EIF3J: variants seen among roughly 807,000 people sequenced by gnomAD.
EIF3J encodes the protein eukaryotic translation initiation factor 3, subunit 1 (alpha, 35kD).
A neutral mutation model predicts 39.0 loss-of-function variants in EIF3J; 15 were observed. The observed-to-expected ratio is 0.38, with a 90% CI of 0.26 to 0.59. EIF3J has a LOEUF of 0.59. EIF3J is among the 20% of genes least tolerant of loss of function. EIF3J has a pLI of 0.60. For missense variants in EIF3J, 226 were observed against 308.6 expected, an observed-to-expected ratio of 0.73 and a Z score of 2.00; for synonymous variants, 98 against 112.9, an observed-to-expected ratio of 0.87 and a Z score of 0.84.
intron 2 of EIF3J, among the ~76,000 whole-genome samples, chr15:44,542,787 T>C (rs2082023661): frequency 1.3e-5 from 2 of 152,212 alleles, no homozygotes; most frequent in Non-Finnish European, 2.9e-5. Context: ...AAACAGGCCC[T>C]ATTCTAAGAA....
rs75155703 is a variant in EIF3J, at chr15:44,542,019, A to G, written c.147+4592A>G. On this transcript the variant is annotated intron_variant, in intron 2 of 7. Coordinates refer to ENST00000261868, the MANE Select transcript of EIF3J (RefSeq NM_003758.4). ...CTTGTTTAGTGTTCAGTGTCTTGAT[A>G]TCGCTGAGCCAGAAATTTAAAGTAG... Among the ~76,000 whole-genome samples, 1,100 of 152,368 alleles carry G rather than the reference A, an allele frequency of 7.2e-3. 16 individuals are homozygous for G. The highest frequency in any genetic ancestry group is 0.023 in the African/African-American group (962 of 41,580).
At position 44,557,987 on chromosome 15, in the gene EIF3J, G is replaced by A. The variant is rs536061290; in HGVS notation, c.571+337G>A. 8.3e-5 allele frequency: 13 copies of A among 157,030 alleles called. No homozygotes were observed. In the East Asian group the frequency reaches 2.0e-3, roughly 24 times the overall value. 9.7% of individuals were successfully genotyped at this position (157,030 alleles called of 1,614,324 possible). On this transcript the variant is annotated intron_variant, in intron 6 of 7. Coordinates refer to ENST00000261868, the MANE Select transcript of EIF3J (RefSeq NM_003758.4). ...CTGGGAAGTATCTTTTGAGGGAAAA[G>A]GTCTCTGGCACTGTAGGATTTGGGT... is the stretch of plus-strand genomic sequence containing the variant.
chr15:44,537,518 G>T, intron 2 of EIF3J, 91 bp downstream of exon 2: 1 of 1,326,468 alleles, frequency 7.5e-7, no homozygotes, highest in Non-Finnish European at 9.9e-7. Flanking sequence ...CGGGGCCTGC[G>T]GGCCGTGGGT....
chr15:44,541,462 G>A (rs1361434831), intron 2 of EIF3J, among the ~76,000 whole-genome samples: 1 of 152,180 alleles, frequency 6.6e-6, no homozygotes. Flanking sequence ...AGGATTGCGT[G>A]AGCCTAGGAG....
At chr15:44,555,545 T>C (rs914364266) in intron 5 of EIF3J, among the ~76,000 whole-genome samples, 9 of 152,172 alleles carry the variant, frequency 5.9e-5, no homozygotes, top group African/African-American at 1.2e-4. Flanking sequence ...CTGTGCACCA[T>C]TGTATGCTTG....
rs139053742 is a variant in EIF3J, at chr15:44,559,433, G to A, written c.572-816G>A. ...CTCAAAAAAAAAAATAAAATAGGCC[G>A]GGTGCGGTGGCTCACACCTGTAACC... On this transcript the variant is annotated intron_variant, in intron 6 of 7. Coordinates refer to ENST00000261868, the MANE Select transcript of EIF3J (RefSeq NM_003758.4). 7.2e-3 allele frequency among the ~76,000 whole-genome samples: 1,083 copies of A among 151,174 alleles called. 8 individuals carry two copies. Among genetic ancestry groups the A allele is most frequent in the Non-Finnish European group, 0.011 (751 of 67,758 alleles).
intron 2 of EIF3J, among the ~76,000 whole-genome samples, chr15:44,549,984 T>C (rs2082086060): frequency 6.6e-6 from 1 of 151,638 alleles, no homozygotes; most frequent in South Asian, 2.1e-4. Flanking sequence ...GTAAATTTTA[T>C]TGCATAAATT....
chr15:44,547,656 G>A lies in EIF3J; in HGVS notation c.148-3220G>A, dbSNP rs188223968. ...GTAGAGACAGGGTTTCACTATGTTG[G>A]CCAGGCTGGTCTCAAACTCCTGACC... On this transcript the variant is annotated intron_variant, in intron 2 of 7. Transcript: ENST00000261868. Among the ~76,000 whole-genome samples, 3 of 151,614 alleles carry A rather than the reference G, an allele frequency of 2.0e-5. No homozygotes were observed. The East Asian group carries it at 5.9e-4, about 30-fold the overall frequency.
At position 44,560,240 on chromosome 15, in the gene EIF3J, T is replaced by C. The variant is rs891459145; in HGVS notation, c.572-9T>C. On this transcript the variant is annotated splice_polypyrimidine_tract_variant and intron_variant, in intron 6 of 7. Coordinates refer to ENST00000261868, the MANE Select transcript of EIF3J (RefSeq NM_003758.4). ...TTCAAGTTTAATGGTATGCCCTTTTTTTTTTAAGTGGAAATTGATGACTTG... is the reference window on the plus strand; with the variant it reads ...TTCAAGTTTAATGGTATGCCCTTTTCTTTTTAAGTGGAAATTGATGACTTG... The C allele has an allele frequency of 1.9e-6, 3 of 1,597,162 alleles. No homozygotes were observed. The African/African-American group carries it at 4.1e-5, about 22-fold the overall frequency.
Position 44,562,291 on chromosome 15 carries a change from C to T in EIF3J, c.*1142C>T, listed in dbSNP as rs74935427. The T allele has an allele frequency of 6.6e-6, 1 of 152,374 alleles. No individual in the cohort carries two copies. The highest frequency in any genetic ancestry group is 2.4e-5 in the African/African-American group (1 of 41,338). The allele number at this position is 152,374 out of a possible 1,614,324, so 9.4% of individuals were successfully genotyped here. A position where few individuals can be genotyped will look rare whatever the true frequency, so the allele number is the denominator to read the frequency against. ...TGCCTTCCTCTTATTTATTTGGGGA[C>T]ATTATTTTGTTATTTAGATACCAAG... is the stretch of plus-strand genomic sequence containing the variant. On this transcript the variant is annotated 3_prime_UTR_variant, in exon 8 of 8. Coordinates refer to ENST00000261868, the MANE Select transcript of EIF3J (RefSeq NM_003758.4).
At position 44,562,382 on chromosome 15, in the gene EIF3J, A is replaced by T. The variant is rs2082209891; in HGVS notation, c.*1233A>T. On this transcript the variant is annotated 3_prime_UTR_variant, in exon 8 of 8. Coordinates refer to ENST00000261868, the MANE Select transcript of EIF3J (RefSeq NM_003758.4). ...GTAACTGAGCCTGTAACTCAGGTTT[A>T]TGGCTGTTAAGTATAGATTGGGGAA... 1 of 152,328 alleles carries T rather than the reference A, an allele frequency of 6.6e-6. No homozygotes were observed. The highest frequency in any genetic ancestry group is 2.4e-5 in the African/African-American group (1 of 41,174). The allele number at this position is 152,328 out of a possible 1,614,324, so 9.4% of individuals were successfully genotyped here.
chr15:44,547,060 G>A (rs978891493), intron 2 of EIF3J, among the ~76,000 whole-genome samples: 1 of 151,884 alleles, frequency 6.6e-6, no homozygotes, highest in Non-Finnish European at 1.5e-5. Flanking sequence ...CTGGTCTCAA[G>A]TGATCTGCCT....
chr15:44,540,268 T>TA (rs1491535016), intron 2 of EIF3J, among the ~76,000 whole-genome samples: 1,205 of 33,446 alleles, frequency 0.036, 2 homozygotes, highest in African/African-American at 0.051. Context: ...TATATATATA[T>TA]TTTTTTTTTT....
intron 2 of EIF3J, among the ~76,000 whole-genome samples, chr15:44,544,597 G>T (rs528630908): frequency 1.3e-5 from 2 of 151,824 alleles, no homozygotes; most frequent in South Asian, 4.1e-4. Flanking sequence ...CCAGCCACTT[G>T]GGAGGCTGAG....
At chr15:44,539,397 T>G (rs1381301091) in intron 2 of EIF3J, among the ~76,000 whole-genome samples, 2 of 151,910 alleles carry the variant, frequency 1.3e-5, no homozygotes, top group Admixed American at 6.6e-5. Context: ...CCACAAAGAT[T>G]ATCTTGTCCA....
chr15:44,555,465 T>A (rs116446875), intron 5 of EIF3J, among the ~76,000 whole-genome samples: 1 of 152,206 alleles, frequency 6.6e-6, no homozygotes, highest in South Asian at 2.1e-4. Flanking sequence ...ATTGTTTTCC[T>A]TTTCATGAGG....
At position 44,561,759 on chromosome 15, in the gene EIF3J, T is replaced by C. The variant is rs927215156; in HGVS notation, c.*610T>C. The C allele has an allele frequency of 6.6e-6, 1 of 152,622 alleles. No homozygotes were observed. Among genetic ancestry groups the C allele is most frequent in the South Asian group, 2.1e-4 (1 of 4,828 alleles). The allele number at this position is 152,622 out of a possible 1,614,324, so 9.5% of individuals were successfully genotyped here. A position where few individuals can be genotyped will look rare whatever the true frequency, so the allele number is the denominator to read the frequency against. On this transcript the variant is annotated 3_prime_UTR_variant, in exon 8 of 8. Transcript: ENST00000261868. ...CTAAAGAAGGTAAACCTTTCCATTA[T>C]TGCATTACATGTTGTGGAATCTCTC...
At chr15:44,551,742 T>C (rs1051398364) in intron 4 of EIF3J, among the ~76,000 whole-genome samples, 2 of 152,210 alleles carry the variant, frequency 1.3e-5, no homozygotes, top group African/African-American at 4.8e-5. Flanking sequence ...CATTCAGGAA[T>C]AGTCATGATA....
chr15:44,537,382 C>CG lies in EIF3J; in HGVS notation c.104dup (p.Gly36ArgfsTer16). On this transcript the variant is annotated frameshift_variant, in exon 2 of 8. Coordinates refer to ENST00000261868, the MANE Select transcript of EIF3J (RefSeq NM_003758.4). LOFTEE classifies it high-confidence loss of function. ...GGAAGGTGGGGGGCGGCGGCACTGC[C>CG]GGCGGGGACCGCTGGGAAGGCGAGG... is the stretch of plus-strand genomic sequence containing the variant. 1 of 1,566,500 alleles carries CG rather than the reference C, an allele frequency of 6.4e-7. No individual in the cohort carries two copies. The highest frequency in any genetic ancestry group is 8.7e-7 in the Non-Finnish European group (1 of 1,155,406).
Sources: gnomAD v4.1 joint callset for allele counts (sites outside exome capture counted in the v4.1 genomes callset) on GRCh38, gnomAD v4.1.1 for gene constraint, MANE v1.5 for transcripts, NCBI Gene and HGNC (gene_info 2026-07-23, HGNC 2026-07-21) for gene names.